The following RPS6 variants were observed in gnomAD, a reference collection of about 807,000 sequenced individuals.
RPS6 encodes small ribosomal subunit protein eS6.
Under a neutral mutation model 27.1 loss-of-function variants are expected in RPS6, and 1 was observed. The observed-to-expected ratio is 0.04, with a 90% CI of 0.01 to 0.18. RPS6 has a LOEUF of 0.18. Ranked by LOEUF, RPS6 falls within the 10% of genes least tolerant of loss-of-function variation. RPS6 has a pLI of 1.00. For missense variants in RPS6, 259 were observed against 319.1 expected (o/e 0.81, Z 1.44); for synonymous variants, 152 against 106.0 (o/e 1.43, Z -2.66).
intron 3 of RPS6, 77 bp downstream of exon 3, chr9:19,378,631 A>C: frequency 6.3e-7 from 1 of 1,575,464 alleles, no homozygotes; most frequent in Non-Finnish European, 8.7e-7. Context: ...GTAAGTCTGG[A>C]TACTGCAAAT....
intron 2 of RPS6, chr9:19,379,272 G>C (rs957237923): frequency 1.4e-6 from 2 of 1,455,376 alleles, no homozygotes; most frequent in African/African-American, 1.4e-5. Flanking sequence ...TGCAGGGCAA[G>C]AATTATGTTG....
chr9:19,379,860 T>A (rs1589014300), intron 1 of RPS6: 9 of 1,423,326 alleles, frequency 6.3e-6, no homozygotes, highest in Non-Finnish European at 8.2e-6. Flanking sequence ...GCGAGGGCAC[T>A]CCGCAGCCGT....
chr9:19,379,638 A>G lies in RPS6; in HGVS notation c.7-20T>C. 2 of 1,605,878 alleles carry G rather than the reference A, an allele frequency of 1.2e-6. No individual in the cohort carries two copies. The highest frequency in any genetic ancestry group is 1.7e-6 in the Non-Finnish European group (2 of 1,175,946). On this transcript the variant is annotated intron_variant, in intron 1 of 5. Transcript: ENST00000380394. ...GTTCAGCTAAGGATTAAAAGGGGGG[A>G]AATAGTTTACGAAACTATCTATACA... is the stretch of plus-strand genomic sequence containing the variant.
chr9:19,379,048 C>T (rs1829635749), intron 2 of RPS6, 130 bp from the exon 3 acceptor site: 1 of 958,242 alleles, frequency 1.0e-6, no homozygotes, highest in Non-Finnish European at 1.5e-6. Flanking sequence ...AACTTAAGCA[C>T]GTTTTCTCTG....
rs1483936424 is a variant in RPS6, at chr9:19,378,900, T to G, written c.157A>C (p.Ser53Arg). ...EEWKGYVVRI[S>R]GGNDKQGFPM... ...AAACCTTGTTTGTCGTTCCCACCAC[T>G]GATTCGGACCACATAACCCTGCAAG... is the stretch of plus-strand genomic sequence containing the variant. The change falls in exon 3 of 6, where the codon AGT (serine) becomes CGT (arginine). Residue 53 changes from serine (S) to arginine (R), a missense_variant. This residue lies in a region of RPS6 where 65 missense variants were observed against 66.6 expected (regional missense o/e 0.98). Coordinates refer to ENST00000380394, the MANE Select transcript of RPS6 (RefSeq NM_001010.3). 1.9e-6 allele frequency: 3 copies of G among 1,614,050 alleles called. No homozygotes were observed. The highest frequency in any genetic ancestry group is 1.3e-5 in the African/African-American group (1 of 74,932).
At chr9:19,377,363 A>ATGGGCAACTGCCACCTATT (rs1485874270) in intron 4 of RPS6, among the ~76,000 whole-genome samples, 3 of 149,294 alleles carry the variant, frequency 2.0e-5, no homozygotes, top group Non-Finnish European at 4.4e-5. Flanking sequence ...GGCTATGATT[A>ATGGGCAACTGCCACCTATT]TGGGCAACTG....
chr9:19,379,990 C>T (rs1357945783), intron 1 of RPS6, 200 bp downstream of exon 1: 6 of 1,459,410 alleles, frequency 4.1e-6, no homozygotes, highest in African/African-American at 1.4e-5. Context: ...CGCTCCCGGC[C>T]CGCCGCGGCT....
chr9:19,379,031 C>G, intron 2 of RPS6, 113 bp from the exon 3 acceptor site: 1 of 1,081,314 alleles, frequency 9.2e-7, no homozygotes, highest in South Asian at 1.6e-5. Flanking sequence ...TTATGAAAAC[C>G]AATTTGAACT....
At position 19,375,887 on chromosome 9, in the gene RPS6, TAC is replaced by T. The variant is rs1240443583; in HGVS notation, c.*404_*405del. On this transcript the variant is annotated 3_prime_UTR_variant, in exon 6 of 6. Transcript: ENST00000380394. Reference sequence around the variant, plus strand: ...TCCACTAAAACTATGCCTTAAAAGTTACCTTTTAAAAAAGACATGTTCATCTT... The same window carrying T: ...TCCACTAAAACTATGCCTTAAAAGTTCTTTTAAAAAAGACATGTTCATCTT... 1 of 154,390 alleles carries T rather than the reference TAC, an allele frequency of 6.5e-6. No homozygotes were observed. The highest frequency in any genetic ancestry group is 1.4e-5 in the Non-Finnish European group (1 of 69,506). 9.6% of individuals were successfully genotyped at this position (154,390 alleles called of 1,614,324 possible).
chr9:19,376,683 ATT>A (rs1372442781), intron 4 of RPS6, 32 bp from the exon 5 acceptor site: 4 of 1,584,730 alleles, frequency 2.5e-6, no homozygotes, highest in East Asian at 2.2e-5. Flanking sequence ...TCATTTCAAT[ATT>A]TGTTTTGTTA....
At position 19,380,229 on chromosome 9, in the gene RPS6, G is replaced by A. The variant is rs781718074; in HGVS notation, c.-34C>T. 14 of 1,611,784 alleles carry A rather than the reference G, an allele frequency of 8.7e-6. No individual in the cohort carries two copies. The highest frequency in any genetic ancestry group is 5.5e-5 in the South Asian group (5 of 91,052). ...AGCTGAACGCCTCCGAGGCGCCACG[G>A]AAAAGAGGGCCAACTTCCGCTTAGC... is the stretch of plus-strand genomic sequence containing the variant. On this transcript the variant is annotated 5_prime_UTR_variant, in exon 1 of 6. Coordinates refer to ENST00000380394, the MANE Select transcript of RPS6 (RefSeq NM_001010.3).
rs372915420 is a variant in RPS6 at position 19,376,338 on chromosome 9, G to A, written c.705C>T (p.Ser235=). The A allele has an allele frequency of 2.8e-4, 454 of 1,614,034 alleles. 1 individual carries two copies. Among genetic ancestry groups the A allele is most frequent in the Non-Finnish European group, 3.5e-4 (413 of 1,180,022 alleles). ...ACTTAGAAGTAGAAGCTCGCAGAGAGGAAAGTCTGCGTCTCTTCGCAATTT... is the reference window on the plus strand; with the variant it reads ...ACTTAGAAGTAGAAGCTCGCAGAGAAGAAAGTCTGCGTCTCTTCGCAATTT... ...QEQIAKRRRL[S]SLRASTSKSE... is the part of the protein sequence containing the mutation. The change falls in exon 6 of 6, where the codon TCC becomes TCT. Residue 235 remains serine (S), a synonymous_variant. Transcript: ENST00000380394.
At chr9:19,377,908 G>C (rs775190057) in intron 4 of RPS6, among the ~76,000 whole-genome samples, 3 of 152,210 alleles carry the variant, frequency 2.0e-5, no homozygotes, top group East Asian at 1.9e-4. Flanking sequence ...CATAATCCCA[G>C]CACTTTGGGA....
At chr9:19,378,034 G>C (rs79121613) in intron 4 of RPS6, among the ~76,000 whole-genome samples, 72 of 152,282 alleles carry the variant, frequency 4.7e-4, no homozygotes, top group African/African-American at 1.7e-3. Context: ...AAATTACAAA[G>C]TGTGTGGTGC....
chr9:19,378,387 T>C lies in RPS6; in HGVS notation c.477A>G (p.Arg159=). ...KEDDVRQYVV[R]KPLNKEGKKP... is the part of the protein sequence containing the mutation. Reference sequence around the variant, plus strand: ...TCCTACCTTCTTTATTTAAGGGCTTTCTTACAACATACTGGCGGACATCAT... The same window carrying C: ...TCCTACCTTCTTTATTTAAGGGCTTCCTTACAACATACTGGCGGACATCAT... The change falls in exon 4 of 6, where the codon AGA becomes AGG. Residue 159 remains arginine (R), a synonymous_variant. Transcript: ENST00000380394. 1 of 1,612,798 alleles carries C rather than the reference T, an allele frequency of 6.2e-7. No individual in the cohort carries two copies. Among genetic ancestry groups the C allele is most frequent in the South Asian group, 1.1e-5 (1 of 91,030 alleles).
chr9:19,380,127 C>T, intron 1 of RPS6, 63 bp downstream of exon 1: 1 of 1,614,130 alleles, frequency 6.2e-7, no homozygotes, highest in African/African-American at 1.3e-5. Context: ...TGAGGCAATG[C>T]CGCGTTCTGG....
rs1208072462 is a variant in RPS6 at position 19,376,223 on chromosome 9, G to GT, written c.*69dup. 39 of 1,314,130 alleles carry GT rather than the reference G, an allele frequency of 3.0e-5. No homozygotes were observed. The highest frequency in any genetic ancestry group is 4.1e-5 in the Non-Finnish European group (38 of 931,228). The allele number at this position is 1,314,130 out of a possible 1,614,324, so 81.4% of individuals were successfully genotyped here. On this transcript the variant is annotated 3_prime_UTR_variant, in exon 6 of 6. Coordinates refer to ENST00000380394, the MANE Select transcript of RPS6 (RefSeq NM_001010.3). ...AACTTTCCCTCTCTTCATTTATGTAGTTTTCTATCAGCAATGAAAAGTCAA... is the reference window on the plus strand; with the variant it reads ...AACTTTCCCTCTCTTCATTTATGTAGTTTTTCTATCAGCAATGAAAAGTCAA...
chr9:19,376,175 C>T lies in RPS6; in HGVS notation c.*118G>A. ...ATCCACCATTGGAATACCATATATA[C>T]ATATCCCCATTTTCTATGACCTAAC... On this transcript the variant is annotated 3_prime_UTR_variant, in exon 6 of 6. Transcript: ENST00000380394. 1 of 830,226 alleles carries T rather than the reference C, an allele frequency of 1.2e-6. No individual in the cohort carries two copies. The highest frequency in any genetic ancestry group is 1.9e-6 in the Non-Finnish European group (1 of 518,366). The allele number at this position is 830,226 out of a possible 1,614,324, so 51.4% of individuals were successfully genotyped here. A position where few individuals can be genotyped will look rare whatever the true frequency, so the allele number is the denominator to read the frequency against.
chr9:19,379,665 G>A (rs754038430), intron 1 of RPS6, 47 bp from the exon 2 acceptor site: 3 of 1,569,014 alleles, frequency 1.9e-6, no homozygotes, highest in Admixed American at 1.9e-5. Context: ...ATCTATACAG[G>A]TAATTGTAGA....
Sources: gnomAD v4.1 joint callset for allele counts (sites outside exome capture counted in the v4.1 genomes callset) on GRCh38, gnomAD v4.1.1 for gene constraint, gnomAD v4.1.1 regional missense constraint, MANE v1.5 for transcripts, NCBI Gene and HGNC (gene_info 2026-07-23, HGNC 2026-07-21) for gene names.